Variants in SULT4A1 observed in about 807,000 individuals in gnomAD.
SULT4A1 encodes sulfotransferase 4A1.
A neutral mutation model predicts 35.2 loss-of-function variants in SULT4A1; 11 were observed. That is an observed-to-expected ratio of 0.31 (90% confidence interval 0.20 to 0.52). The LOEUF (loss-of-function observed/expected upper bound fraction) is 0.52, where lower values mean the gene tolerates loss of function less well. SULT4A1 is among the 20% of genes least tolerant of loss of function. The pLI, the probability that SULT4A1 is intolerant of heterozygous loss-of-function variation, is 0.97. For missense variants in SULT4A1, 271 were observed against 383.7 expected, an observed-to-expected ratio of 0.71 and a Z score of 2.45; for synonymous variants, 152 against 151.8, an observed-to-expected ratio of 1.00 and a Z score of -0.01.
chr22:43,838,413 A>C (rs2063395130), intron 4 of SULT4A1, among the ~76,000 whole-genome samples: 1 of 151,898 alleles, frequency 6.6e-6, no homozygotes, highest in Admixed American at 6.6e-5. Context: ...AGCGGGCACA[A>C]GTGTGCCCTG....
chr22:43,834,171 G>A (rs938143264), intron 4 of SULT4A1, among the ~76,000 whole-genome samples: 5 of 152,144 alleles, frequency 3.3e-5, no homozygotes, highest in Non-Finnish European at 5.9e-5. Context: ...GCAAGAGGGC[G>A]ACAGGCAGTA....
rs141552290 is a variant in SULT4A1 at position 43,829,056 on chromosome 22, G to A, written c.742+4C>T. On this transcript the variant is annotated splice_donor_region_variant and intron_variant, in intron 6 of 6. Transcript: ENST00000330884. ...CTGGGCGGGAGGCAGGGTGGGGCAC[G>A]TACCCCGGCCCACGGGCAGGGCCTC... The A allele has an allele frequency of 9.9e-5, 151 of 1,523,052 alleles. No homozygotes were observed. The African/African-American group carries it at 1.7e-3, about 17-fold the overall frequency. 94.3% of individuals were successfully genotyped at this position (1,523,052 alleles called of 1,614,324 possible).
At chr22:43,842,138 C>CAA (rs1016013612) in intron 1 of SULT4A1, among the ~76,000 whole-genome samples, 2 of 152,182 alleles carry the variant, frequency 1.3e-5, no homozygotes, top group Non-Finnish European at 2.9e-5. Context: ...CTCTGATTCT[C>CAA]AGAGGGGCCA....
At chr22:43,861,027 T>C (rs1297533306) in intron 1 of SULT4A1, among the ~76,000 whole-genome samples, 2 of 152,160 alleles carry the variant, frequency 1.3e-5, no homozygotes, top group Admixed American at 6.5e-5. Flanking sequence ...CAGGACTTAA[T>C]GAGTGGCCAC....
In SULT4A1 at chr22:43,829,188, G is replaced by A. The variant is rs572334857; in HGVS notation, c.614C>T (p.Thr205Met). 50 of 1,562,734 alleles carry A rather than the reference G, an allele frequency of 3.2e-5. No individual in the cohort carries two copies. Among genetic ancestry groups the A allele is most frequent in the South Asian group, 3.1e-4 (26 of 84,202 alleles). The change falls in exon 6 of 7, where the codon ACG becomes ATG. Residue 205 changes from threonine to methionine, a missense_variant. Coordinates refer to ENST00000330884, the MANE Select transcript of SULT4A1 (RefSeq NM_014351.4). ...GAATCTGGCCAGCTGCTCCACCATCGTCACCAGGTCCTGGAAGACAAGTGC... is the reference window on the plus strand; with the variant it reads ...GAATCTGGCCAGCTGCTCCACCATCATCACCAGGTCCTGGAAGACAAGTGC... Reference protein sequence around the residue: ...KYEDMHRDLVTMVEQLARFLG... With the variant: ...KYEDMHRDLVMMVEQLARFLG...
intron 1 of SULT4A1, among the ~76,000 whole-genome samples, chr22:43,845,661 G>A (rs760072887): frequency 1.3e-5 from 2 of 152,120 alleles, no homozygotes; most frequent in Admixed American, 6.5e-5. Flanking sequence ...CAACCCCCAG[G>A]CCACGGGTCT....
At chr22:43,860,068 C>A (rs1157560831) in intron 1 of SULT4A1, among the ~76,000 whole-genome samples, 1 of 152,206 alleles carries the variant, frequency 6.6e-6, no homozygotes, top group East Asian at 1.9e-4. Context: ...CCCCACCACC[C>A]CTTTGAACCC....
At chr22:43,855,479 G>A (rs1004247474) in intron 1 of SULT4A1, among the ~76,000 whole-genome samples, 6 of 152,304 alleles carry the variant, frequency 3.9e-5, no homozygotes, top group African/African-American at 1.4e-4. Flanking sequence ...GCCAAGTCCT[G>A]AAGCCCAAGC....
chr22:43,837,879 C>T (rs2063390148), intron 4 of SULT4A1, among the ~76,000 whole-genome samples: 2 of 152,228 alleles, frequency 1.3e-5, no homozygotes, highest in South Asian at 2.1e-4. Flanking sequence ...CTGCAGAGCC[C>T]CCGATAAGCC....
Position 43,846,654 on chromosome 22 carries a change from C to T in SULT4A1, c.170-4722G>A, listed in dbSNP as rs375532063. On this transcript the variant is annotated intron_variant, in intron 1 of 6. Transcript: ENST00000330884. ...AGAACTTCTCAGCCCATGGACTCTC[C>T]CACCAACCTGAGTAGGAAGTACCAC... is the stretch of plus-strand genomic sequence containing the variant. Among the ~76,000 whole-genome samples, 48 of 152,242 alleles carry T rather than the reference C, an allele frequency of 3.2e-4. 1 individual carries two copies. The highest frequency in any genetic ancestry group is 1.1e-3 in the African/African-American group (47 of 41,452).
chr22:43,854,121 T>C (rs529182999), intron 1 of SULT4A1, among the ~76,000 whole-genome samples: 2 of 152,294 alleles, frequency 1.3e-5, no homozygotes, highest in East Asian at 1.9e-4. Context: ...GTAGTGGTGA[T>C]GATGGTGCGG....
chr22:43,831,301 C>G (rs184393328), intron 5 of SULT4A1, among the ~76,000 whole-genome samples: 1 of 152,252 alleles, frequency 6.6e-6, no homozygotes, highest in African/African-American at 2.4e-5. Context: ...CAGCTGCCCC[C>G]GAGATGTGTG....
Position 43,825,343 on chromosome 22 carries a change from C to T in SULT4A1, c.*658G>A, listed in dbSNP as rs376287804. On this transcript the variant is annotated 3_prime_UTR_variant, in exon 7 of 7. Transcript: ENST00000330884. ...CTCCTCTGCATTGGGCCTTTGGAGC[C>T]GCCCGCTGGAAGTCTCTGGCAGAAG... The T allele has an allele frequency of 2.0e-5, 3 of 152,326 alleles. No homozygotes were observed. The highest frequency in any genetic ancestry group is 2.1e-4 in the South Asian group (1 of 4,818). 9.4% of individuals were successfully genotyped at this position (152,326 alleles called of 1,614,324 possible). A position where few individuals can be genotyped will look rare whatever the true frequency, so the allele number is the denominator to read the frequency against.
intron 1 of SULT4A1, among the ~76,000 whole-genome samples, chr22:43,844,153 G>C (rs1467180309): frequency 2.0e-5 from 3 of 152,190 alleles, no homozygotes; most frequent in Non-Finnish European, 4.4e-5. Context: ...CAGAGGAAAA[G>C]CGGTTTGAGG....
rs1430030946 is a variant in SULT4A1 at position 43,826,083 on chromosome 22, G to A, written c.773C>T (p.Thr258Ile). Residue 258 changes from threonine to isoleucine, a missense_variant, in exon 7 of 7, where the codon ACC becomes ATC. Thr to Ile is a moderately conservative substitution (Grantham distance 89). Around this residue, in one of 3 missense-constraint regions of SULT4A1, gnomAD observed 32 missense variants for 61.9 expected, o/e 0.52. Transcript: ENST00000330884. ...GTCAAACTTCTCATTCATGGAGACG[G>A]TGAAGATGTCCTTCCACAGCCCAAC... ...GRVGLWKDIF[T>I]VSMNEKFDLV... 1 of 1,614,202 alleles carries A rather than the reference G, an allele frequency of 6.2e-7. No individual in the cohort carries two copies. The highest frequency in any genetic ancestry group is 8.5e-7 in the Non-Finnish European group (1 of 1,180,038).
Position 43,829,059 on chromosome 22 carries a change from C to A in SULT4A1, c.742+1G>T. 6.6e-7 allele frequency: 1 copy of A among 1,525,326 alleles called. No individual in the cohort carries two copies. The highest frequency in any genetic ancestry group is 1.2e-5 in the South Asian group (1 of 81,654). The allele number at this position is 1,525,326 out of a possible 1,614,324, so 94.5% of individuals were successfully genotyped here. A position where few individuals can be genotyped will look rare whatever the true frequency, so the allele number is the denominator to read the frequency against. ...GGCGGGAGGCAGGGTGGGGCACGTACCCCGGCCCACGGGCAGGGCCTCAGC... is the reference window on the plus strand; with the variant it reads ...GGCGGGAGGCAGGGTGGGGCACGTAACCCGGCCCACGGGCAGGGCCTCAGC... On this transcript the variant is annotated splice_donor_variant, in intron 6 of 6. Coordinates refer to ENST00000330884, the MANE Select transcript of SULT4A1 (RefSeq NM_014351.4). LOFTEE classifies it high-confidence loss of function.
Position 43,838,934 on chromosome 22 carries a change from G to A in SULT4A1, c.441C>T (p.Arg147=). 1.2e-6 allele frequency: 2 copies of A among 1,614,204 alleles called. 1 individual carries two copies. The highest frequency in any genetic ancestry group is 2.2e-5 in the South Asian group (2 of 91,084). The change falls in exon 4 of 7, where the codon CGC becomes CGT. Residue 147 remains arginine, a synonymous_variant. Transcript: ENST00000330884. ...DLVVSYYQFH[R]SLRTMSYRGT... ...CTCGGTAGCTCATGGTCCGCAGAGA[G>A]CGGTGGAACTGATAATAAGACACCA...
At chr22:43,828,532 G>A (rs1337048968) in intron 6 of SULT4A1, among the ~76,000 whole-genome samples, 1 of 152,182 alleles carries the variant, frequency 6.6e-6, no homozygotes, top group Non-Finnish European at 1.5e-5. Context: ...CCCGAAGTGG[G>A]GCTAGGCCTC....
At chr22:43,854,753 C>A (rs1197572182) in intron 1 of SULT4A1, among the ~76,000 whole-genome samples, 2 of 152,236 alleles carry the variant, frequency 1.3e-5, no homozygotes, top group East Asian at 1.9e-4. Flanking sequence ...TTCATGTCGT[C>A]TCTCAAGGGA....
Sources: gnomAD v4.1 joint callset for allele counts (sites outside exome capture counted in the v4.1 genomes callset) on GRCh38, gnomAD v4.1.1 for gene constraint, gnomAD v4.1.1 regional missense constraint, MANE v1.5 for transcripts, NCBI Gene and HGNC (gene_info 2026-07-23, HGNC 2026-07-21) for gene names.